The following SMPD3 variants were observed in gnomAD, a reference collection of about 807,000 sequenced individuals.
SMPD3 encodes the protein sphingomyelin phosphodiesterase 3, also known as nSMase-2.
In SMPD3, 21 loss-of-function variants were observed where a neutral mutation model predicts 55.7. The ratio of observed to expected loss-of-function variants is 0.38; its 90% CI spans 0.27 to 0.54. SMPD3 has a LOEUF of 0.54. SMPD3 is among the 20% of genes least tolerant of loss of function. The pLI is 0.80. For missense variants in SMPD3, 842 were observed against 899.6 expected (o/e 0.94, Z 0.82); for synonymous variants, 457 against 404.3 (o/e 1.13, Z -1.56).
At chr16:68,362,216 A>G (rs1110572) in intron 7 of SMPD3, among the ~76,000 whole-genome samples, 27,042 of 152,094 alleles carry the variant, frequency 0.18, 3,017 homozygotes, top group African/African-American at 0.32. Context: ...GGCTGTCCCT[A>G]CGTGGCTGTG....
At chr16:68,388,956 G>T (rs1315603583) in intron 1 of SMPD3, among the ~76,000 whole-genome samples, 1 of 152,032 alleles carries the variant, frequency 6.6e-6, no homozygotes, top group East Asian at 1.9e-4. Flanking sequence ...TTCAATCAGA[G>T]CCTCCCTCTG....
At chr16:68,383,276 C>T (rs2089988066) in intron 2 of SMPD3, among the ~76,000 whole-genome samples, 1 of 152,222 alleles carries the variant, frequency 6.6e-6, no homozygotes, top group Non-Finnish European at 1.5e-5. Context: ...GGCTGAGTGG[C>T]CCTCTGGCTG....
chr16:68,387,507 C>T (rs887964600), intron 1 of SMPD3, among the ~76,000 whole-genome samples: 5 of 152,200 alleles, frequency 3.3e-5, no homozygotes, highest in African/African-American at 4.8e-5. Context: ...GTGCTGGCCC[C>T]GCCCCTGATC....
At chr16:68,364,007 G>C (rs1315069878) in intron 5 of SMPD3, 141 bp from the exon 6 acceptor site, 2 of 692,946 alleles carry the variant, frequency 2.9e-6, no homozygotes, top group Non-Finnish European at 4.8e-6. Flanking sequence ...TGGGATCTCA[G>C]TCCCATTCAG....
At chr16:68,423,684 G>A (rs1016725124) in intron 1 of SMPD3, among the ~76,000 whole-genome samples, 1 of 152,094 alleles carries the variant, frequency 6.6e-6, no homozygotes, top group Admixed American at 6.5e-5. Flanking sequence ...CTTCCTACTG[G>A]TCTTGTTCCT....
chr16:68,441,666 G>T (rs1454828301), intron 1 of SMPD3, among the ~76,000 whole-genome samples: 1 of 151,918 alleles, frequency 6.6e-6, no homozygotes, highest in Non-Finnish European at 1.5e-5. Flanking sequence ...CATATTTCAA[G>T]TGCTTATGGC....
intron 1 of SMPD3, among the ~76,000 whole-genome samples, chr16:68,413,919 T>A (rs1471942946): frequency 5.3e-5 from 8 of 152,134 alleles, no homozygotes; most frequent in Admixed American, 5.2e-4. Context: ...CCTGTCAAGG[T>A]CTGGGTGGGT....
chr16:68,371,825 C>A lies in SMPD3; in HGVS notation c.357G>T (p.Gly119=). 6.2e-7 allele frequency: 1 copy of A among 1,605,312 alleles called. No individual in the cohort carries two copies. Among genetic ancestry groups the A allele is most frequent in the East Asian group, 2.2e-5 (1 of 44,548 alleles). The change falls in exon 3 of 9, where the codon GGG becomes GGT. Residue 119 remains glycine (G), a synonymous_variant. Coordinates refer to ENST00000219334, the MANE Select transcript of SMPD3 (RefSeq NM_018667.4). ...TGGCAAAGCAGAAGCTTTTGCCAGGCCCCGTGCCCTTCCATTCACTGAGCA... is the reference window on the plus strand; with the variant it reads ...TGGCAAAGCAGAAGCTTTTGCCAGGACCCGTGCCCTTCCATTCACTGAGCA... ...AALLSEWKGT[G]PGKSFCFATA...
intron 2 of SMPD3, among the ~76,000 whole-genome samples, chr16:68,385,274 T>C (rs2152000178): frequency 6.6e-6 from 1 of 152,308 alleles, no homozygotes; most frequent in Admixed American, 6.5e-5. Flanking sequence ...TTGCCAAGGC[T>C]GATATAAGTG....
intron 1 of SMPD3, among the ~76,000 whole-genome samples, chr16:68,412,237 G>T (rs915018191): frequency 5.3e-5 from 8 of 152,220 alleles, no homozygotes; most frequent in Admixed American, 2.0e-4. Flanking sequence ...CTCACTGCCT[G>T]TCAAGGTACG....
Position 68,365,090 on chromosome 16 carries a change from C to T in SMPD3, c.1326G>A (p.Val442=). The T allele has an allele frequency of 1.2e-6, 2 of 1,614,002 alleles. No homozygotes were observed. The highest frequency in any genetic ancestry group is 1.7e-6 in the Non-Finnish European group (2 of 1,179,958). Residue 442 remains valine, a splice_region_variant and synonymous_variant, in exon 4 of 9, where the codon GTG becomes GTA. Coordinates refer to ENST00000219334, the MANE Select transcript of SMPD3 (RefSeq NM_018667.4). ...LASKGALFLK[V]QVGSTPQDQR... ...GGTCCTGAGGTGTGCTTCCCACCTG[C>T]ACCTGGGGGAGGAGGGGGTCAGTGC...
intron 1 of SMPD3, among the ~76,000 whole-genome samples, chr16:68,430,797 C>A (rs1006294385): frequency 6.6e-6 from 1 of 152,200 alleles, no homozygotes; most frequent in Non-Finnish European, 1.5e-5. Flanking sequence ...CCGGGACACT[C>A]TCTTTATGGT....
At position 68,370,792 on chromosome 16, in the gene SMPD3, C is replaced by T. The variant is rs935510515; in HGVS notation, c.1323+67G>A. The T allele has an allele frequency of 3.8e-6, 6 of 1,581,458 alleles. No homozygotes were observed. In the Middle Eastern group the frequency reaches 7.4e-4, roughly 195 times the overall value. ...TGACGATGAGGACTCCCCGCTGCAG[C>T]CCCCCTGCCTACATGGCTCTAGGAC... On this transcript the variant is annotated intron_variant, in intron 3 of 8. Coordinates refer to ENST00000219334, the MANE Select transcript of SMPD3 (RefSeq NM_018667.4).
Position 68,365,006 on chromosome 16 carries a change from G to T in SMPD3, c.1399+11C>A. The stretch of plus-strand genomic sequence containing the variant: ...ATGCCTAGAAAAAACACAGGTGGGC[G>T]GCAACCCTACCTTGCGGGGCATGCA... On this transcript the variant is annotated intron_variant, in intron 4 of 8. Transcript: ENST00000219334. 1.2e-6 allele frequency: 2 copies of T among 1,614,044 alleles called. No homozygotes were observed. The highest frequency in any genetic ancestry group is 1.1e-5 in the South Asian group (1 of 91,066).
At chr16:68,426,879 A>G (rs927593998) in intron 1 of SMPD3, among the ~76,000 whole-genome samples, 2 of 152,088 alleles carry the variant, frequency 1.3e-5, no homozygotes, top group Non-Finnish European at 2.9e-5. Context: ...TAATCCTGCC[A>G]TCAATCCACG....
chr16:68,405,545 C>CAAAAAA (rs67518521), intron 1 of SMPD3, among the ~76,000 whole-genome samples: 29 of 72,958 alleles, frequency 4.0e-4, no homozygotes, highest in African/African-American at 8.0e-4. Context: ...GACCCTGTCT[C>CAAAAAA]AAAAAAAAAA....
intron 2 of SMPD3, among the ~76,000 whole-genome samples, chr16:68,377,390 G>A (rs986814462): frequency 6.6e-6 from 1 of 152,238 alleles, no homozygotes; most frequent in East Asian, 1.9e-4. Flanking sequence ...CTCCTGGTGG[G>A]TGTGTGGCAT....
intron 1 of SMPD3, among the ~76,000 whole-genome samples, chr16:68,431,954 C>A (rs988605624): frequency 6.6e-6 from 1 of 151,354 alleles, no homozygotes; most frequent in African/African-American, 2.4e-5. Context: ...CAAAAAAACC[C>A]AAAACCAAAA....
In SMPD3 at chr16:68,359,307, G is replaced by A. The variant is rs577606128; in HGVS notation, c.*1899C>T. ...TCATGAATCCCAGTCAAGGCTCACA[G>A]GCCAGCCCCTTGGAGGGGTGGGCCG... On this transcript the variant is annotated 3_prime_UTR_variant, in exon 9 of 9. Coordinates refer to ENST00000219334, the MANE Select transcript of SMPD3 (RefSeq NM_018667.4). The A allele has an allele frequency of 6.6e-6, 1 of 152,626 alleles. No homozygotes were observed. The highest frequency in any genetic ancestry group is 2.4e-5 in the African/African-American group (1 of 41,574). The allele number at this position is 152,626 out of a possible 1,614,324, so 9.5% of individuals were successfully genotyped here. A position where few individuals can be genotyped will look rare whatever the true frequency, so the allele number is the denominator to read the frequency against.
Sources: allele counts gnomAD v4.1 joint callset (sites outside exome capture counted in the v4.1 genomes callset), GRCh38; gene constraint gnomAD v4.1.1; transcripts MANE v1.5; gene names NCBI Gene and HGNC (gene_info 2026-07-23, HGNC 2026-07-21).